Variants in GLRA3 observed in about 807,000 individuals in gnomAD.
The protein encoded by GLRA3 is glycine receptor subunit alpha-3.
A neutral mutation model predicts 60.4 loss-of-function variants in GLRA3; 44 were observed. The observed-to-expected ratio is 0.73, with a 90% CI of 0.57 to 0.94. The LOEUF is 0.94. Ranked by LOEUF, GLRA3 falls within the 40% of genes least tolerant of loss-of-function variation. The pLI, the probability that GLRA3 is intolerant of heterozygous loss-of-function variation, is 0.00. For synonymous variants in GLRA3, 223 were observed against 192.9 expected (o/e 1.16, Z -1.29); for missense variants, 508 against 564.6 (o/e 0.90, Z 1.02).
rs1242600987 is a variant in GLRA3 at position 174,788,913 on chromosome 4, T to C, written c.102A>G (p.Ala34=). 6.2e-7 allele frequency: 1 copy of C among 1,605,354 alleles called. No homozygotes were observed. The highest frequency in any genetic ancestry group is 1.7e-5 in the Admixed American group (1 of 59,006). The change falls in exon 2 of 10, where the codon GCA becomes GCG. Residue 34 remains alanine, a synonymous_variant. Coordinates refer to ENST00000274093, the MANE Select transcript of GLRA3 (RefSeq NM_006529.4). ...SLVATKETDS[A]RSRSAPMSPS... ...GTGACATTGGAGCACTTCGAGATCT[T>C]GCACTGTCTGTTTCCTTTGTGGCAA... is the stretch of plus-strand genomic sequence containing the variant.
chr4:174,799,492 C>T (rs899894273), intron 1 of GLRA3, among the ~76,000 whole-genome samples: 2 of 152,146 alleles, frequency 1.3e-5, no homozygotes, highest in African/African-American at 4.8e-5. Context: ...AGGCTAACAA[C>T]CTGAACACCA....
rs183549130 is a variant in GLRA3 at position 174,637,689 on chromosome 4, A to G, written c.*6097T>C. 1 of 152,290 alleles carries G rather than the reference A, an allele frequency of 6.6e-6. No homozygotes were observed. The highest frequency in any genetic ancestry group is 6.5e-5 in the Admixed American group (1 of 15,290). 9.4% of individuals were successfully genotyped at this position (152,290 alleles called of 1,614,324 possible). ...TTTGTTATAGCTTTACTCTAAAAAC[A>G]CACAATATGGTTAATATGGTTTGCT... is the stretch of plus-strand genomic sequence containing the variant. On this transcript the variant is annotated 3_prime_UTR_variant, in exon 10 of 10. Coordinates refer to ENST00000274093, the MANE Select transcript of GLRA3 (RefSeq NM_006529.4).
intron 5 of GLRA3, among the ~76,000 whole-genome samples, chr4:174,711,725 C>T (rs1192503995): frequency 2.6e-5 from 4 of 152,142 alleles, no homozygotes; most frequent in African/African-American, 9.7e-5. Context: ...AAGGCGTGAG[C>T]CACGGCATAT....
chr4:174,803,336 G>T (rs1257829998), intron 1 of GLRA3, among the ~76,000 whole-genome samples: 5 of 152,044 alleles, frequency 3.3e-5, no homozygotes, highest in African/African-American at 1.2e-4. Context: ...TCACTGATTT[G>T]TAGCTTCTTA....
chr4:174,813,451 C>T (rs1444615505), intron 1 of GLRA3, among the ~76,000 whole-genome samples: 1 of 152,178 alleles, frequency 6.6e-6, no homozygotes, highest in African/African-American at 2.4e-5. Context: ...ACTGAATCCT[C>T]TATGAAAACT....
rs1733328699 is a variant in GLRA3 at position 174,659,125 on chromosome 4, A to G, written c.1000T>C (p.Tyr334His). The G allele has an allele frequency of 6.2e-7, 1 of 1,611,784 alleles. No individual in the cohort carries two copies. The highest frequency in any genetic ancestry group is 1.3e-5 in the African/African-American group (1 of 74,870). ...LLFVFSALLE[Y>H]AAVNFVSRQH... ...CTTGATACAAAATTTACAGCTGCAT[A>G]CTCCAGAAGTGCTGAAAACACAAAA... The change falls in exon 8 of 10, where the codon TAT becomes CAT. Residue 334 changes from tyrosine to histidine, a missense_variant. Tyr to His is a moderately conservative substitution (Grantham distance 83). Coordinates refer to ENST00000274093, the MANE Select transcript of GLRA3 (RefSeq NM_006529.4).
chr4:174,765,421 G>A (rs1738102455), intron 3 of GLRA3, among the ~76,000 whole-genome samples: 1 of 151,942 alleles, frequency 6.6e-6, no homozygotes, highest in Admixed American at 6.6e-5. Flanking sequence ...TATTGCTGTG[G>A]GAAGTATTTC....
intron 2 of GLRA3, among the ~76,000 whole-genome samples, chr4:174,776,744 T>A (rs1738619994): frequency 6.6e-6 from 1 of 152,146 alleles, no homozygotes. Context: ...TTTTAGCAGC[T>A]TCAGGGACAT....
At position 174,746,184 on chromosome 4, in the gene GLRA3, C is replaced by G. The variant is rs145161671; in HGVS notation, c.268-17486G>C. ...AATAATTCAGTATATCAAGGGGATA[C>G]CTGCACTTGTACGTTTATCACAGCA... On this transcript the variant is annotated intron_variant, in intron 3 of 9. Transcript: ENST00000274093. Among the ~76,000 whole-genome samples the G allele has an allele frequency of 2.9e-4, 44 of 152,212 alleles. No individual in the cohort carries two copies. In the East Asian group the frequency reaches 7.9e-3, roughly 27 times the overall value.
chr4:174,740,542 T>G (rs959026469), intron 3 of GLRA3, among the ~76,000 whole-genome samples: 7 of 152,336 alleles, frequency 4.6e-5, no homozygotes, highest in African/African-American at 1.7e-4. Flanking sequence ...AGCAAATCCC[T>G]GCCTATATTC....
chr4:174,730,101 G>A (rs1000132553), intron 3 of GLRA3, among the ~76,000 whole-genome samples: 1 of 152,088 alleles, frequency 6.6e-6, no homozygotes, highest in Non-Finnish European at 1.5e-5. Context: ...AGTGACAATG[G>A]AGCAGAATTC....
intron 8 of GLRA3, among the ~76,000 whole-genome samples, chr4:174,657,425 A>G (rs905513497): frequency 1.3e-5 from 2 of 152,146 alleles, no homozygotes; most frequent in Non-Finnish European, 2.9e-5. Context: ...GGAGAAGGAA[A>G]AAGGTAAAGA....
intron 1 of GLRA3, among the ~76,000 whole-genome samples, chr4:174,804,277 A>G (rs1442719386): frequency 6.6e-6 from 1 of 152,140 alleles, no homozygotes; most frequent in Non-Finnish European, 1.5e-5. Flanking sequence ...AAAATACAAG[A>G]GACTAGAAGA....
intron 1 of GLRA3, among the ~76,000 whole-genome samples, chr4:174,797,267 G>A (rs1180117501): frequency 6.6e-6 from 1 of 152,178 alleles, no homozygotes; most frequent in Non-Finnish European, 1.5e-5. Context: ...TTTATAGCAA[G>A]TTACTAAGAT....
At chr4:174,781,777 T>G (rs1378207921) in intron 2 of GLRA3, among the ~76,000 whole-genome samples, 1 of 151,964 alleles carries the variant, frequency 6.6e-6, no homozygotes, top group Non-Finnish European at 1.5e-5. Flanking sequence ...AGAAGTTGAA[T>G]CTCTGAATAG....
At chr4:174,732,396 CAT>C in intron 3 of GLRA3, among the ~76,000 whole-genome samples, 1 of 148,364 alleles carries the variant, frequency 6.7e-6, no homozygotes, top group African/African-American at 2.5e-5. Flanking sequence ...AACATTGTAA[CAT>C]AAATTTGATA....
chr4:174,813,972 G>T (rs1296737848), intron 1 of GLRA3, among the ~76,000 whole-genome samples: 1 of 152,198 alleles, frequency 6.6e-6, no homozygotes, highest in Non-Finnish European at 1.5e-5. Flanking sequence ...GGGAAGGGGA[G>T]CACACAGGTG....
intron 2 of GLRA3, among the ~76,000 whole-genome samples, chr4:174,772,977 AG>A (rs1340475219): frequency 6.6e-6 from 1 of 152,192 alleles, no homozygotes. Flanking sequence ...ACATGAGATT[AG>A]TGCAGCAATC....
At chr4:174,698,021 T>C (rs1735131336) in intron 5 of GLRA3, among the ~76,000 whole-genome samples, 1 of 151,890 alleles carries the variant, frequency 6.6e-6, no homozygotes, top group African/African-American at 2.4e-5. Context: ...ATGTTGGAGG[T>C]TCAGATCTGC....
Sources: allele counts gnomAD v4.1 joint callset (sites outside exome capture counted in the v4.1 genomes callset), GRCh38; gene constraint gnomAD v4.1.1; transcripts MANE v1.5; gene names NCBI Gene and HGNC (gene_info 2026-07-23, HGNC 2026-07-21).